The following HYDIN variants were observed in gnomAD, a reference collection of about 807,000 sequenced individuals.
The protein encoded by HYDIN is axonemal central pair apparatus protein HYDIN.
HYDIN carries 132 observed loss-of-function variants against 403.9 expected under a neutral mutation model. The observed-to-expected ratio is 0.33, with a 90% CI of 0.28 to 0.38. The LOEUF is 0.38. Among genes scored for constraint, HYDIN ranks in the 10% least tolerant of loss-of-function variants. The pLI, the probability that HYDIN is intolerant of heterozygous loss-of-function variation, is 1.00. For missense variants in HYDIN, 2,827 were observed against 5,009.5 expected (o/e 0.56, Z 13.15); for synonymous variants, 1,202 against 1,891.7 (o/e 0.64, Z 9.46).
chr16:71,110,498 CAT>C (rs914668924), intron 10 of HYDIN, among the ~76,000 whole-genome samples: 1 of 137,326 alleles, frequency 7.3e-6, no homozygotes, highest in Non-Finnish European at 1.5e-5. Flanking sequence ...ATATATATTT[CAT>C]ATATATATAT....
At chr16:70,894,354 A>G (rs2041664971) in intron 55 of HYDIN, 95 bp downstream of exon 55, 2 of 1,565,868 alleles carry the variant, frequency 1.3e-6, no homozygotes, top group South Asian at 1.2e-5. Context: ...CGCAAACCCT[A>G]TCGGATTCAG....
rs1391862630 is a variant in HYDIN, at chr16:71,162,544, T to A, written c.703A>T (p.Ile235Phe). 6.6e-7 allele frequency: 1 copy of A among 1,514,490 alleles called. No individual in the cohort carries two copies. Among genetic ancestry groups the A allele is most frequent in the Non-Finnish European group, 9.2e-7 (1 of 1,089,324 alleles). 93.8% of individuals were successfully genotyped at this position (1,514,490 alleles called of 1,614,324 possible). The change falls in exon 6 of 86, where the codon ATC (isoleucine) becomes TTC (phenylalanine). Residue 235 changes from isoleucine (I) to phenylalanine (F), a missense_variant. Physicochemically the swap from Ile to Phe is conservative, Grantham distance 21. Transcript: ENST00000393567. ...NIGNKNAVFH[I>F]KTCRPFSIEP... ...AGGCATGCATACCTACAAGTTTTGA[T>A]GTGAAATACAGCATTTTTGTTGCCA...
At chr16:70,874,714 G>A (rs1597188935) in intron 63 of HYDIN, 103 bp downstream of exon 63, 4 of 1,406,134 alleles carry the variant, frequency 2.8e-6, no homozygotes, top group Non-Finnish European at 3.8e-6. Flanking sequence ...GAGGCCAGTG[G>A]TGACGAGACT....
At chr16:71,082,918 A>G (rs2082827032) in intron 12 of HYDIN, among the ~76,000 whole-genome samples, 2 of 151,386 alleles carry the variant, frequency 1.3e-5, no homozygotes, top group Non-Finnish European at 2.9e-5. Flanking sequence ...TTGTATATTC[A>G]CAAATATATG....
intron 21 of HYDIN, among the ~76,000 whole-genome samples, chr16:71,021,502 A>T (rs558284556): frequency 6.6e-6 from 1 of 152,278 alleles, no homozygotes; most frequent in East Asian, 1.9e-4. Flanking sequence ...GGTGTGAGCC[A>T]CCGCACCCGG....
rs747474363 is a variant in HYDIN, at chr16:71,067,349, T to G, written c.2016A>C (p.Ala672=). The part of the protein sequence containing the change: ...CSNTVQKYEL[A]LVVDVEGIGE... Reference sequence around the variant, plus strand: ...CGATGCCCTCCACGTCCACCACGAGTGCCAGCTCGTATTTCTGCACAGTGT... The same window carrying G: ...CGATGCCCTCCACGTCCACCACGAGGGCCAGCTCGTATTTCTGCACAGTGT... The change falls in exon 15 of 86, where the codon GCA becomes GCC. Residue 672 remains alanine (A), a synonymous_variant. Coordinates refer to ENST00000393567, the MANE Select transcript of HYDIN (RefSeq NM_001270974.2). The G allele has an allele frequency of 3.1e-6, 5 of 1,612,626 alleles. No homozygotes were observed. Among genetic ancestry groups the G allele is most frequent in the Admixed American group, 3.4e-5 (2 of 59,664 alleles).
At chr16:70,927,625 A>G (rs1026163685) in intron 45 of HYDIN, among the ~76,000 whole-genome samples, 1 of 152,236 alleles carries the variant, frequency 6.6e-6, no homozygotes, top group African/African-American at 2.4e-5. Context: ...TGCCTCTTCA[A>G]TAAAGCTGTT....
At chr16:71,161,568 C>G (rs1311127061) in intron 6 of HYDIN, among the ~76,000 whole-genome samples, 1 of 152,208 alleles carries the variant, frequency 6.6e-6, no homozygotes, top group East Asian at 1.9e-4. Context: ...TTTTCTCATC[C>G]TCCAAAGCCA....
intron 18 of HYDIN, among the ~76,000 whole-genome samples, chr16:71,058,528 G>T (rs1175614846): frequency 5.5e-4 from 72 of 130,716 alleles, no homozygotes; most frequent in African/African-American, 2.0e-3. Context: ...CACCAGCATG[G>T]CACATGTATA....
intron 7 of HYDIN, 145 bp from the exon 8 acceptor site, chr16:71,137,497 A>G: frequency 1.7e-6 from 1 of 595,584 alleles, no homozygotes; most frequent in Admixed American, 3.0e-5. Context: ...CAGTTCAGAG[A>G]TAAGATATGA....
intron 6 of HYDIN, among the ~76,000 whole-genome samples, chr16:71,156,914 CA>C (rs1436867400): frequency 6.6e-6 from 1 of 152,064 alleles, no homozygotes; most frequent in Non-Finnish European, 1.5e-5. Context: ...GTTCTCTGTA[CA>C]TTTTACAGCC....
At chr16:71,073,260 C>T (rs2144317355) in intron 13 of HYDIN, among the ~76,000 whole-genome samples, 1 of 152,176 alleles carries the variant, frequency 6.6e-6, no homozygotes, top group Admixed American at 6.5e-5. Flanking sequence ...CATATTACTC[C>T]TTGTTTCTTA....
chr16:70,923,299 T>C, intron 45 of HYDIN, among the ~76,000 whole-genome samples: 1 of 106,000 alleles, frequency 9.4e-6, no homozygotes. Flanking sequence ...GAAAGCCCAT[T>C]TCTACTAAAA....
At chr16:71,067,615 G>C (rs1345641176) in intron 14 of HYDIN, among the ~76,000 whole-genome samples, 2 of 151,372 alleles carry the variant, frequency 1.3e-5, no homozygotes, top group African/African-American at 4.9e-5. Flanking sequence ...CAATGGCTTT[G>C]CTCATTTCTG....
chr16:71,040,568 G>A (rs199518516), intron 18 of HYDIN, among the ~76,000 whole-genome samples: 1,629 of 116,664 alleles, frequency 0.014, 26 homozygotes, highest in African/African-American at 0.052. Context: ...TGATCCATAC[G>A]TGGACTCACT....
intron 16 of HYDIN, chr16:71,063,054 T>C (rs1395263884): frequency 2.6e-5 from 4 of 152,172 alleles, no homozygotes; most frequent in Non-Finnish European, 5.9e-5. Flanking sequence ...AATGAATGAA[T>C]GAACAACTGT....
intron 23 of HYDIN, among the ~76,000 whole-genome samples, chr16:71,010,998 T>A (rs1272047710): frequency 6.6e-6 from 1 of 152,208 alleles, no homozygotes; most frequent in Non-Finnish European, 1.5e-5. Flanking sequence ...CAGCCTGGTA[T>A]AAGAAAAGGA....
intron 45 of HYDIN, among the ~76,000 whole-genome samples, chr16:70,930,416 G>A (rs1381250649): frequency 6.6e-6 from 1 of 152,100 alleles, no homozygotes; most frequent in African/African-American, 2.4e-5. Flanking sequence ...GGGAGGCGGA[G>A]GTTGCAGTGA....
chr16:70,821,370 G>A (rs1364395776), intron 83 of HYDIN, among the ~76,000 whole-genome samples: 716 of 148,744 alleles, frequency 4.8e-3, no homozygotes, highest in Non-Finnish European at 6.7e-3. Context: ...ATGTTTTGCA[G>A]TAATGTAAAT....
Sources: allele counts gnomAD v4.1 joint callset (sites outside exome capture counted in the v4.1 genomes callset), GRCh38; gene constraint gnomAD v4.1.1; transcripts MANE v1.5; gene names NCBI Gene and HGNC (gene_info 2026-07-23, HGNC 2026-07-21).